The following ZNF385D variants were observed in gnomAD, a reference collection of about 807,000 sequenced individuals.
ZNF385D encodes zinc finger protein 385D.
A neutral mutation model predicts 35.8 loss-of-function variants in ZNF385D; 15 were observed. The observed-to-expected ratio is 0.42, with a 90% CI of 0.28 to 0.64. ZNF385D has a LOEUF of 0.64. Ranked by LOEUF, ZNF385D falls within the 30% of genes least tolerant of loss-of-function variation. The pLI, the probability that ZNF385D is intolerant of heterozygous loss-of-function variation, is 0.23. For missense variants in ZNF385D, 474 were observed against 494.6 expected (o/e 0.96, Z 0.39); for synonymous variants, 212 against 186.8 (o/e 1.13, Z -1.10).
intron 2 of ZNF385D, among the ~76,000 whole-genome samples, chr3:22,181,873 G>A (rs1210866186): frequency 1.3e-5 from 2 of 152,100 alleles, no homozygotes; most frequent in Non-Finnish European, 2.9e-5. Context: ...TGAAAAAAAT[G>A]TGATCTTATT....
At chr3:21,979,792 G>T (rs1694316519) in intron 3 of ZNF385D, 1 of 150,382 alleles carries the variant, frequency 6.6e-6, no homozygotes, top group South Asian at 2.1e-4. Context: ...AAAAATATGG[G>T]TCTTGCCTTC....
chr3:21,908,202 A>G (rs1559743673), intron 3 of ZNF385D, among the ~76,000 whole-genome samples: 2 of 151,422 alleles, frequency 1.3e-5, no homozygotes, highest in Admixed American at 6.6e-5. Flanking sequence ...AGGGAACAGG[A>G]AAAGAAAGAT....
intron 3 of ZNF385D, among the ~76,000 whole-genome samples, chr3:21,928,431 G>A (rs576108889): frequency 6.6e-6 from 1 of 151,442 alleles, no homozygotes; most frequent in Non-Finnish European, 1.5e-5. Flanking sequence ...GGGAGGGAGA[G>A]AGGGAAAGAG....
chr3:21,713,768 C>A (rs1260278283), intron 1 of ZNF385D, among the ~76,000 whole-genome samples: 2 of 152,154 alleles, frequency 1.3e-5, no homozygotes, highest in Non-Finnish European at 2.9e-5. Flanking sequence ...ACCACCCAGT[C>A]CCACAGTCAG....
At chr3:21,994,150 C>A (rs1695319255) in intron 3 of ZNF385D, among the ~76,000 whole-genome samples, 1 of 152,146 alleles carries the variant, frequency 6.6e-6, no homozygotes, top group South Asian at 2.1e-4. Flanking sequence ...GCTAAACAAA[C>A]CAAACTTTGA....
chr3:22,069,449 G>A (rs1216490803), intron 3 of ZNF385D, among the ~76,000 whole-genome samples: 4 of 152,312 alleles, frequency 2.6e-5, no homozygotes, highest in African/African-American at 7.2e-5. Flanking sequence ...CAAGAACCCC[G>A]AGGGGTGTGA....
At chr3:22,371,368 G>C (rs1366488293) in intron 2 of ZNF385D, among the ~76,000 whole-genome samples, 6 of 151,888 alleles carry the variant, frequency 4.0e-5, no homozygotes, top group Non-Finnish European at 7.4e-5. Context: ...AATTAGCATA[G>C]AACAGCGCCA....
intron 3 of ZNF385D, among the ~76,000 whole-genome samples, chr3:22,090,663 T>A (rs1038720784): frequency 1.3e-5 from 2 of 152,114 alleles, no homozygotes; most frequent in Admixed American, 6.6e-5. Context: ...AACAGTGAAA[T>A]TCACCATTTC....
intron 2 of ZNF385D, among the ~76,000 whole-genome samples, chr3:22,280,040 G>A (rs575016421): frequency 1.3e-5 from 2 of 152,156 alleles, no homozygotes; most frequent in East Asian, 1.9e-4. Flanking sequence ...CGTTAGTGAT[G>A]TTGAACATTT....
intron 3 of ZNF385D, among the ~76,000 whole-genome samples, chr3:21,982,698 C>G (rs76908349): frequency 0.015 from 2,356 of 152,130 alleles, 53 homozygotes; most frequent in East Asian, 0.07. Context: ...TTTGCCTATT[C>G]AGTATAACAT....
chr3:22,194,827 T>C (rs867856225), intron 2 of ZNF385D, among the ~76,000 whole-genome samples: 1 of 151,884 alleles, frequency 6.6e-6, no homozygotes, highest in African/African-American at 2.4e-5. Context: ...TATTAATAGG[T>C]TGTTCTTTTT....
At chr3:22,361,264 A>G (rs1696395086) in intron 2 of ZNF385D, among the ~76,000 whole-genome samples, 1 of 152,116 alleles carries the variant, frequency 6.6e-6, no homozygotes, top group Non-Finnish European at 1.5e-5. Context: ...ACAAAAATGC[A>G]GAGACTGGAA....
intron 3 of ZNF385D, chr3:21,511,496 CAG>C (rs1553604036): frequency 5.6e-6 from 2 of 358,470 alleles, no homozygotes; most frequent in South Asian, 2.2e-5. Context: ...TCACACAAAA[CAG>C]GGGAAGTAAG....
chr3:21,653,895 A>C (rs2065995933), intron 2 of ZNF385D, among the ~76,000 whole-genome samples: 1 of 152,038 alleles, frequency 6.6e-6, no homozygotes. Context: ...GGTTTTTTGG[A>C]AGGCAAAAAC....
At chr3:22,101,152 T>A (rs1031796155) in intron 3 of ZNF385D, among the ~76,000 whole-genome samples, 2 of 151,956 alleles carry the variant, frequency 1.3e-5, no homozygotes, top group African/African-American at 4.8e-5. Flanking sequence ...TTTACAAAAA[T>A]AAATAAGTTA....
chr3:21,989,486 A>C (rs1461805425), intron 3 of ZNF385D, among the ~76,000 whole-genome samples: 1 of 152,202 alleles, frequency 6.6e-6, no homozygotes, highest in Non-Finnish European at 1.5e-5. Context: ...TGTAAAAGAC[A>C]ATTATTAGCA....
chr3:22,364,920 A>G (rs1421426093), intron 2 of ZNF385D, among the ~76,000 whole-genome samples: 1 of 152,140 alleles, frequency 6.6e-6, no homozygotes, highest in African/African-American at 2.4e-5. Context: ...TCTAGCCTTA[A>G]AAAGGAAGGA....
chr3:21,906,105 C>T (rs990421882), intron 3 of ZNF385D, among the ~76,000 whole-genome samples: 1 of 152,120 alleles, frequency 6.6e-6, no homozygotes, highest in African/African-American at 2.4e-5. Context: ...CTTCTAAAAC[C>T]CAGCCACACA....
At chr3:21,768,657 T>G (rs1559603960) in intron 3 of ZNF385D, among the ~76,000 whole-genome samples, 1 of 151,994 alleles carries the variant, frequency 6.6e-6, no homozygotes, top group Admixed American at 6.6e-5. Flanking sequence ...GACTTTGTCT[T>G]CCAAATATTG....
Sources: gnomAD v4.1 joint callset for allele counts (sites outside exome capture counted in the v4.1 genomes callset) on GRCh38, gnomAD v4.1.1 for gene constraint, MANE v1.5 for transcripts, NCBI Gene and HGNC (gene_info 2026-07-23, HGNC 2026-07-21) for gene names.